ZNF804B: variants seen among roughly 807,000 people sequenced by gnomAD.
ZNF804B encodes the protein zinc finger 804B.
A neutral mutation model predicts 101.4 loss-of-function variants in ZNF804B; 80 were observed. The ratio of observed to expected loss-of-function variants is 0.79; its 90% CI spans 0.66 to 0.95. ZNF804B has a LOEUF of 0.95. ZNF804B is among the 40% of genes least tolerant of loss of function. ZNF804B has a pLI of 0.00. For synonymous variants in ZNF804B, 622 were observed against 558.8 expected (o/e 1.11, Z -1.59); for missense variants, 1,673 against 1,561.9 (o/e 1.07, Z -1.20).
intron 1 of ZNF804B, among the ~76,000 whole-genome samples, chr7:89,131,753 G>T (rs368583610): frequency 9.7e-4 from 147 of 152,004 alleles, no homozygotes; most frequent in African/African-American, 3.2e-3. Context: ...TCTATATTGT[G>T]GTCAGACATT....
intron 1 of ZNF804B, chr7:88,794,837 C>T (rs756551366): frequency 1.2e-6 from 2 of 1,613,724 alleles, no homozygotes; most frequent in South Asian, 2.2e-5. Flanking sequence ...CGTTGTTTCT[C>T]TTCTTGAAAG....
intron 1 of ZNF804B, among the ~76,000 whole-genome samples, chr7:89,028,896 A>G (rs539345100): frequency 1.3e-5 from 2 of 152,174 alleles, no homozygotes; most frequent in South Asian, 2.1e-4. Flanking sequence ...AATTATTATT[A>G]TCAAGCAATT....
intron 2 of ZNF804B, among the ~76,000 whole-genome samples, chr7:89,263,324 T>A (rs1360963068): frequency 3.3e-5 from 5 of 151,238 alleles, no homozygotes; most frequent in Admixed American, 6.6e-5. Flanking sequence ...GACCAGTTAA[T>A]GTTTTATTTT....
At chr7:88,788,428 C>T (rs897864217) in intron 1 of ZNF804B, among the ~76,000 whole-genome samples, 4 of 152,020 alleles carry the variant, frequency 2.6e-5, no homozygotes, top group Admixed American at 1.3e-4. Flanking sequence ...ATGTTCTGAC[C>T]GTTACCACCC....
At chr7:89,289,967 G>A (rs1384325236) in intron 2 of ZNF804B, among the ~76,000 whole-genome samples, 1 of 152,192 alleles carries the variant, frequency 6.6e-6, no homozygotes, top group Non-Finnish European at 1.5e-5. Context: ...TTTCACTTGA[G>A]GAAGGGAGAG....
At chr7:88,948,461 T>G (rs1793170762) in intron 1 of ZNF804B, among the ~76,000 whole-genome samples, 1 of 151,670 alleles carries the variant, frequency 6.6e-6, no homozygotes, top group South Asian at 2.1e-4. Context: ...AGTCCCTTTA[T>G]GAAAGAAATA....
chr7:89,037,622 A>G (rs559864667), intron 1 of ZNF804B, among the ~76,000 whole-genome samples: 1 of 152,042 alleles, frequency 6.6e-6, no homozygotes, highest in Admixed American at 6.6e-5. Flanking sequence ...TAATTATTGT[A>G]TCCATTGCCT....
chr7:89,075,617 G>A lies in ZNF804B; in HGVS notation c.109-142538G>A, dbSNP rs115381838. ...AGAGAACATCTGCTAGCCCAGTGTA[G>A]AACGGAAATGTGGAATCAAAGCCCT... On this transcript the variant is annotated intron_variant, in intron 1 of 3. Transcript: ENST00000333190. Among the ~76,000 whole-genome samples, 272 of 152,320 alleles carry A rather than the reference G, an allele frequency of 1.8e-3. 1 individual carries two copies. The highest frequency in any genetic ancestry group is 6.2e-3 in the African/African-American group (258 of 41,574).
chr7:89,055,044 CA>C (rs1219550176), intron 1 of ZNF804B, among the ~76,000 whole-genome samples: 2 of 151,994 alleles, frequency 1.3e-5, no homozygotes, highest in Non-Finnish European at 2.9e-5. Context: ...CTATTATAAA[CA>C]GAGTAATGAG....
chr7:89,216,489 A>G (rs1486873453), intron 1 of ZNF804B, among the ~76,000 whole-genome samples: 1 of 152,124 alleles, frequency 6.6e-6, no homozygotes, highest in African/African-American at 2.4e-5. Flanking sequence ...TTGACCTTGA[A>G]ATCAGTCTCC....
At chr7:88,765,141 C>G (rs983977212) in intron 1 of ZNF804B, among the ~76,000 whole-genome samples, 1 of 151,960 alleles carries the variant, frequency 6.6e-6, no homozygotes, top group Non-Finnish European at 1.5e-5. Flanking sequence ...GGTATTTGAG[C>G]GCTATAATTT....
At chr7:89,030,757 T>C (rs1303952039) in intron 1 of ZNF804B, among the ~76,000 whole-genome samples, 1 of 152,148 alleles carries the variant, frequency 6.6e-6, no homozygotes, top group East Asian at 1.9e-4. Context: ...TTGCTCCCTT[T>C]TGTCTTATAG....
At chr7:89,237,755 C>T (rs1253745698) in intron 2 of ZNF804B, among the ~76,000 whole-genome samples, 2 of 152,058 alleles carry the variant, frequency 1.3e-5, no homozygotes, top group Non-Finnish European at 2.9e-5. Context: ...TCCAACTATT[C>T]GGTGCAAGGT....
intron 1 of ZNF804B, among the ~76,000 whole-genome samples, chr7:88,963,371 T>C (rs1016067907): frequency 5.9e-5 from 9 of 151,306 alleles, no homozygotes; most frequent in Non-Finnish European, 1.5e-5. Flanking sequence ...CTCATGTATA[T>C]GGTCAAATGA....
intron 1 of ZNF804B, among the ~76,000 whole-genome samples, chr7:89,068,259 C>T (rs971035721): frequency 2.0e-5 from 3 of 151,228 alleles, no homozygotes; most frequent in African/African-American, 4.9e-5. Context: ...AATATATTCC[C>T]GTTTTGTTAC....
chr7:89,206,662 G>C (rs1175935611), intron 1 of ZNF804B, among the ~76,000 whole-genome samples: 1 of 152,170 alleles, frequency 6.6e-6, no homozygotes, highest in Non-Finnish European at 1.5e-5. Flanking sequence ...TGAGGCAGGA[G>C]AATTGCTTGA....
At chr7:89,181,070 G>A (rs1444405648) in intron 1 of ZNF804B, among the ~76,000 whole-genome samples, 1 of 151,540 alleles carries the variant, frequency 6.6e-6, no homozygotes, top group Non-Finnish European at 1.5e-5. Context: ...CAAGTTGAAA[G>A]GTAATGTCCT....
At position 89,335,416 on chromosome 7, in the gene ZNF804B, A is replaced by G. The variant is rs1281652011; in HGVS notation, c.2434A>G (p.Lys812Glu). ...CTGCAGAGAAAGACAAAAACTGGGC[A>G]AAAATCAACAACAATTTTCAGGGCT... Reference protein sequence around the residue: ...CHCRERQKLGKNQQQFSGLKS... With the variant: ...CHCRERQKLGENQQQFSGLKS... Residue 812 changes from lysine to glutamate, a missense_variant, in exon 4 of 4, where the codon AAA (lysine) becomes GAA (glutamate). Physicochemically the swap from Lys to Glu is moderately conservative, Grantham distance 56 (BLOSUM62 1). Coordinates refer to ENST00000333190, the MANE Select transcript of ZNF804B (RefSeq NM_181646.5). The G allele has an allele frequency of 6.2e-7, 1 of 1,613,834 alleles. No homozygotes were observed.
At position 88,844,573 on chromosome 7, in the gene ZNF804B, G is replaced by A. The variant is rs1434688032; in HGVS notation, c.108+84489G>A. Among the ~76,000 whole-genome samples the A allele has an allele frequency of 2.6e-5, 4 of 152,146 alleles. No homozygotes were observed. In the East Asian group the frequency reaches 7.7e-4, roughly 29 times the overall value. ...GTATTTTGGAAATGATTCTTCATAA[G>A]TGATTCTGTAAACCTACTGCATTTC... On this transcript the variant is annotated intron_variant, in intron 1 of 3. Coordinates refer to ENST00000333190, the MANE Select transcript of ZNF804B (RefSeq NM_181646.5).
Sources: gnomAD v4.1 joint callset for allele counts (sites outside exome capture counted in the v4.1 genomes callset) on GRCh38, gnomAD v4.1.1 for gene constraint, MANE v1.5 for transcripts, NCBI Gene and HGNC (gene_info 2026-07-23, HGNC 2026-07-21) for gene names.